Variants in PCDH9 observed in about 807,000 individuals in gnomAD.
The protein encoded by PCDH9 is protocadherin-9.
A neutral mutation model predicts 70.6 loss-of-function variants in PCDH9; 24 were observed. The ratio of observed to expected loss-of-function variants is 0.34; its 90% CI spans 0.25 to 0.48. The LOEUF (loss-of-function observed/expected upper bound fraction) is 0.48, where lower values mean the gene tolerates loss of function less well. Ranked by LOEUF, PCDH9 falls within the 20% of genes least tolerant of loss-of-function variation. PCDH9 has a pLI of 0.99. For synonymous variants in PCDH9, 562 were observed against 558.5 expected (o/e 1.01, Z -0.09); for missense variants, 1,281 against 1,503.6 (o/e 0.85, Z 2.45).
chr13:66,975,176 C>T (rs962698455), intron 2 of PCDH9, among the ~76,000 whole-genome samples: 4 of 151,950 alleles, frequency 2.6e-5, no homozygotes, highest in Non-Finnish European at 4.4e-5. Flanking sequence ...AGAAGAGACA[C>T]AGATAGGCCA....
chr13:66,624,247 G>A (rs1233684198), intron 4 of PCDH9, among the ~76,000 whole-genome samples: 1 of 152,124 alleles, frequency 6.6e-6, no homozygotes, highest in African/African-American at 2.4e-5. Context: ...ATCCTCAAAT[G>A]AAAGTCATTT....
At chr13:67,101,378 T>G (rs1052587018) in intron 2 of PCDH9, among the ~76,000 whole-genome samples, 4 of 152,246 alleles carry the variant, frequency 2.6e-5, no homozygotes, top group African/African-American at 9.6e-5. Flanking sequence ...ATTTTATATT[T>G]CAGCTTTTCT....
At chr13:67,037,902 T>C (rs1191597367) in intron 2 of PCDH9, among the ~76,000 whole-genome samples, 3 of 152,208 alleles carry the variant, frequency 2.0e-5, no homozygotes, top group Non-Finnish European at 4.4e-5. Flanking sequence ...GAGTCATTTA[T>C]TTACTCTATA....
chr13:66,923,107 A>G (rs930048136), intron 2 of PCDH9, among the ~76,000 whole-genome samples: 7 of 151,536 alleles, frequency 4.6e-5, no homozygotes, highest in Non-Finnish European at 7.4e-5. Context: ...ATTTGATAAA[A>G]ACTAAATACT....
chr13:66,421,533 C>T (rs1300647766), intron 4 of PCDH9, among the ~76,000 whole-genome samples: 3 of 152,152 alleles, frequency 2.0e-5, no homozygotes, highest in African/African-American at 7.2e-5. Context: ...CAAGAATCTT[C>T]AACACAGAAT....
At chr13:67,148,588 C>T (rs1322465793) in intron 2 of PCDH9, among the ~76,000 whole-genome samples, 1 of 151,644 alleles carries the variant, frequency 6.6e-6, no homozygotes, top group Non-Finnish European at 1.5e-5. Flanking sequence ...TTTTAATTAC[C>T]ACTTTTCTGC....
intron 3 of PCDH9, among the ~76,000 whole-genome samples, chr13:66,723,755 G>A (rs2139158589): frequency 6.6e-6 from 1 of 152,268 alleles, no homozygotes; most frequent in East Asian, 1.9e-4. Context: ...AGTAATAAAG[G>A]GAAGGAGAGG....
At chr13:66,552,752 A>C (rs1961546108) in intron 4 of PCDH9, among the ~76,000 whole-genome samples, 1 of 152,140 alleles carries the variant, frequency 6.6e-6, no homozygotes, top group African/African-American at 2.4e-5. Context: ...ATTTTGTAGT[A>C]GTGAAAAGAA....
chr13:66,319,788 A>G (rs1403898010), intron 4 of PCDH9, among the ~76,000 whole-genome samples: 1 of 152,088 alleles, frequency 6.6e-6, no homozygotes. Context: ...GCAAATGTGG[A>G]AAAGTTTTGT....
intron 2 of PCDH9, among the ~76,000 whole-genome samples, chr13:66,961,267 G>T (rs1274081789): frequency 6.6e-6 from 1 of 152,134 alleles, no homozygotes; most frequent in Non-Finnish European, 1.5e-5. Flanking sequence ...TATGTGACAT[G>T]GGGGTTATAT....
At chr13:66,354,852 G>T (rs1956352174) in intron 4 of PCDH9, among the ~76,000 whole-genome samples, 1 of 152,034 alleles carries the variant, frequency 6.6e-6, no homozygotes, top group Admixed American at 6.6e-5. Context: ...GACAGACAAG[G>T]CAGACATTAT....
intron 3 of PCDH9, among the ~76,000 whole-genome samples, chr13:66,713,458 T>TC (rs1454672101): frequency 6.6e-6 from 1 of 151,324 alleles, no homozygotes; most frequent in Non-Finnish European, 1.5e-5. Flanking sequence ...CTTCAAAGCT[T>TC]CACTCTCTCT....
chr13:66,717,480 A>T (rs867796234), intron 3 of PCDH9, among the ~76,000 whole-genome samples: 10 of 44,426 alleles, frequency 2.3e-4, no homozygotes, highest in African/African-American at 8.8e-4. Flanking sequence ...AAAAAAAAAA[A>T]ATATATATAT....
intron 3 of PCDH9, among the ~76,000 whole-genome samples, chr13:66,755,428 G>C (rs80092714): frequency 0.018 from 2,685 of 152,232 alleles, 75 homozygotes; most frequent in African/African-American, 0.062. Context: ...TTGAAATAAA[G>C]CAGTGGCGCT....
At chr13:67,055,447 C>T (rs1384361252) in intron 2 of PCDH9, among the ~76,000 whole-genome samples, 6 of 152,108 alleles carry the variant, frequency 3.9e-5, no homozygotes, top group South Asian at 4.2e-4. Flanking sequence ...ACAATACTCC[C>T]CTTAAGATTT....
intron 2 of PCDH9, among the ~76,000 whole-genome samples, chr13:67,103,968 T>A (rs1260892240): frequency 1.3e-5 from 2 of 152,190 alleles, no homozygotes; most frequent in Non-Finnish European, 2.9e-5. Flanking sequence ...TTCAAGATGG[T>A]CAGATACCCT....
Position 66,952,728 on chromosome 13 carries a change from C to T in PCDH9, c.3037-49123G>A, listed in dbSNP as rs568408878. 2.0e-5 allele frequency among the ~76,000 whole-genome samples: 3 copies of T among 152,236 alleles called. No individual in the cohort carries two copies. The South Asian group carries it at 6.2e-4, about 32-fold the overall frequency. On this transcript the variant is annotated intron_variant, in intron 2 of 4. Transcript: ENST00000377865. The stretch of plus-strand genomic sequence containing the variant: ...AGGGCCCCAGCTCTGTGTAGGTAAC[C>T]AGATGGCTCTTTTTCCCAAGCCACC...
chr13:66,492,541 AATG>A (rs1438666824), intron 4 of PCDH9, among the ~76,000 whole-genome samples: 1 of 150,824 alleles, frequency 6.6e-6, no homozygotes, highest in African/African-American at 2.4e-5. Context: ...TCAATAAAGG[AATG>A]ATGAATACAT....
Position 66,486,997 on chromosome 13 carries a change from T to C in PCDH9, c.3340+144213A>G, listed in dbSNP as rs553616987. 1.3e-3 allele frequency among the ~76,000 whole-genome samples: 192 copies of C among 152,356 alleles called. 1 individual carries two copies. Among genetic ancestry groups the C allele is most frequent in the African/African-American group, 4.4e-3 (183 of 41,586 alleles). On this transcript the variant is annotated intron_variant, in intron 4 of 4. Coordinates refer to ENST00000377865, the MANE Select transcript of PCDH9 (RefSeq NM_203487.3). ...ATTGATGGTGTGCATATACATAATT[T>C]TTTTTCACATGACTAGTGAGTTTAA... is the stretch of plus-strand genomic sequence containing the variant.
Sources: allele counts gnomAD v4.1 joint callset (sites outside exome capture counted in the v4.1 genomes callset), GRCh38; gene constraint gnomAD v4.1.1; transcripts MANE v1.5; gene names NCBI Gene and HGNC (gene_info 2026-07-23, HGNC 2026-07-21).